Variants in MAPK4 observed in about 807,000 individuals in gnomAD.
The protein encoded by MAPK4 is mitogen-activated protein kinase 4.
In MAPK4, 22 loss-of-function variants were observed where a neutral mutation model predicts 47.7. The ratio of observed to expected loss-of-function variants is 0.46; its 90% CI spans 0.33 to 0.66. The LOEUF (loss-of-function observed/expected upper bound fraction) is 0.66, where lower values mean the gene tolerates loss of function less well. Ranked by LOEUF, MAPK4 falls within the 30% of genes least tolerant of loss-of-function variation. The pLI, the probability that MAPK4 is intolerant of heterozygous loss-of-function variation, is 0.02. For missense variants in MAPK4, 736 were observed against 831.7 expected (o/e 0.88, Z 1.42); for synonymous variants, 390 against 365.7 (o/e 1.07, Z -0.76).
chr18:50,636,283 T>G (rs1206035068), intron 1 of MAPK4, among the ~76,000 whole-genome samples: 1 of 152,182 alleles, frequency 6.6e-6, no homozygotes, highest in African/African-American at 2.4e-5. Flanking sequence ...GCAGCTCAAC[T>G]TCCATTTCTG....
Position 50,688,584 on chromosome 18 carries a change from T to G in MAPK4, c.546+24080T>G, listed in dbSNP as rs75968324. Among the ~76,000 whole-genome samples, 539 of 152,292 alleles carry G rather than the reference T, an allele frequency of 3.5e-3. 4 individuals carry two copies. Among genetic ancestry groups the G allele is most frequent in the African/African-American group, 0.012 (512 of 41,558 alleles). On this transcript the variant is annotated intron_variant, in intron 2 of 5. Transcript: ENST00000400384. ...TTCTGCTAGTGAAAGACAGTGCATATCACAACCTGGATGGAACTGGAGACT... is the reference window on the plus strand; with the variant it reads ...TTCTGCTAGTGAAAGACAGTGCATAGCACAACCTGGATGGAACTGGAGACT...
intron 1 of MAPK4, among the ~76,000 whole-genome samples, chr18:50,593,664 T>G (rs1034309872): frequency 1.3e-5 from 2 of 152,220 alleles, no homozygotes; most frequent in Non-Finnish European, 2.9e-5. Context: ...AAAGGACCTA[T>G]AGATTGATGC....
rs148171544 is a variant in MAPK4 at position 50,683,669 on chromosome 18, C to T, written c.546+19165C>T. Among the ~76,000 whole-genome samples, 477 of 152,216 alleles carry T rather than the reference C, an allele frequency of 3.1e-3. 1 individual carries two copies. The highest frequency in any genetic ancestry group is 7.0e-3 in the African/African-American group (289 of 41,524). On this transcript the variant is annotated intron_variant, in intron 2 of 5. Coordinates refer to ENST00000400384, the MANE Select transcript of MAPK4 (RefSeq NM_002747.4). ...AGACTCTAGACAAGGTTCCTGCCTT[C>T]GTGGAGTTTATATTTAAGTGGAAAA...
chr18:50,643,584 C>T (rs1036410659), intron 1 of MAPK4, among the ~76,000 whole-genome samples: 3 of 152,172 alleles, frequency 2.0e-5, no homozygotes, highest in African/African-American at 2.4e-5. Context: ...TTGTCCAGTG[C>T]GACTCAGAAC....
At chr18:50,627,311 A>G (rs1355086548) in intron 1 of MAPK4, among the ~76,000 whole-genome samples, 3 of 152,208 alleles carry the variant, frequency 2.0e-5, no homozygotes, top group Non-Finnish European at 4.4e-5. Flanking sequence ...GATTCCCCTC[A>G]GGGGGAAGGT....
intron 1 of MAPK4, among the ~76,000 whole-genome samples, chr18:50,657,104 G>A (rs1000862205): frequency 2.6e-5 from 4 of 152,122 alleles, no homozygotes; most frequent in Non-Finnish European, 5.9e-5. Context: ...CTCTACAACC[G>A]CATCCACAAA....
intron 2 of MAPK4, among the ~76,000 whole-genome samples, chr18:50,710,352 G>A (rs559411915): frequency 5.9e-5 from 9 of 151,884 alleles, no homozygotes; most frequent in East Asian, 1.9e-4. Flanking sequence ...GCGTGGTGGC[G>A]TGTGCCTGTA....
At chr18:50,676,177 T>C (rs13381183) in intron 2 of MAPK4, among the ~76,000 whole-genome samples, 105,889 of 151,930 alleles carry the variant, frequency 0.7, 40,308 homozygotes, top group Non-Finnish European at 0.85. Context: ...CCTTGTAGAT[T>C]TCATCTTCTT....
chr18:50,688,536 A>G (rs894844806), intron 2 of MAPK4, among the ~76,000 whole-genome samples: 3 of 152,266 alleles, frequency 2.0e-5, no homozygotes, highest in Admixed American at 2.0e-4. Context: ...GAATTTCAAG[A>G]TGACAGAGAA....
At chr18:50,657,516 G>T (rs911782339) in intron 1 of MAPK4, among the ~76,000 whole-genome samples, 9 of 152,264 alleles carry the variant, frequency 5.9e-5, no homozygotes, top group African/African-American at 2.2e-4. Context: ...CTCCCTATTT[G>T]AGCCTTGAGA....
chr18:50,651,949 C>T (rs1157588491), intron 1 of MAPK4, among the ~76,000 whole-genome samples: 1 of 152,242 alleles, frequency 6.6e-6, no homozygotes, highest in East Asian at 1.9e-4. Context: ...GAAGGGGTCA[C>T]ACTACCAGCC....
At chr18:50,568,332 A>G (rs1284132066) in intron 1 of MAPK4, among the ~76,000 whole-genome samples, 1 of 152,238 alleles carries the variant, frequency 6.6e-6, no homozygotes, top group African/African-American at 2.4e-5. Context: ...TTCCTGAAGC[A>G]AGCTTAGATG....
At chr18:50,649,569 C>T (rs2043026443) in intron 1 of MAPK4, among the ~76,000 whole-genome samples, 1 of 152,184 alleles carries the variant, frequency 6.6e-6, no homozygotes, top group Non-Finnish European at 1.5e-5. Flanking sequence ...CAGCCTTTAC[C>T]TCTTCGTGTG....
At chr18:50,716,080 A>G (rs971025023) in intron 3 of MAPK4, among the ~76,000 whole-genome samples, 1 of 152,156 alleles carries the variant, frequency 6.6e-6, no homozygotes, top group Non-Finnish European at 1.5e-5. Context: ...CCAGGGCATG[A>G]GTCATCCTTC....
chr18:50,584,555 T>C (rs1481586568), intron 1 of MAPK4, among the ~76,000 whole-genome samples: 1 of 152,246 alleles, frequency 6.6e-6, no homozygotes, highest in Non-Finnish European at 1.5e-5. Flanking sequence ...TTGTGTATTG[T>C]TCCCTAGCTA....
At chr18:50,596,791 G>A (rs1245361651) in intron 1 of MAPK4, among the ~76,000 whole-genome samples, 2 of 152,210 alleles carry the variant, frequency 1.3e-5, no homozygotes, top group Admixed American at 1.3e-4. Context: ...ACAAGAGTGT[G>A]ATGAGGCTGT....
At chr18:50,722,465 C>G (rs985602772) in intron 4 of MAPK4, among the ~76,000 whole-genome samples, 3 of 152,216 alleles carry the variant, frequency 2.0e-5, no homozygotes, top group Non-Finnish European at 4.4e-5. Context: ...GACCCAGGTC[C>G]CATTCCACCA....
chr18:50,641,576 A>G (rs1462615709), intron 1 of MAPK4, among the ~76,000 whole-genome samples: 1 of 152,204 alleles, frequency 6.6e-6, no homozygotes, highest in African/African-American at 2.4e-5. Context: ...TGAAACCCTC[A>G]ATATGCTAAT....
chr18:50,670,959 A>G lies in MAPK4; in HGVS notation c.546+6455A>G, dbSNP rs563318938. 3.3e-5 allele frequency among the ~76,000 whole-genome samples: 5 copies of G among 152,322 alleles called. 1 individual carries two copies. The South Asian group carries it at 1.0e-3, about 32-fold the overall frequency. On this transcript the variant is annotated intron_variant, in intron 2 of 5. Transcript: ENST00000400384. ...TGATGCTCCTGAACTTTTAAGAACC[A>G]TTGACCCAAAGACATGGGATTGCTT...
Sources: gnomAD v4.1 joint callset for allele counts (sites outside exome capture counted in the v4.1 genomes callset) on GRCh38, gnomAD v4.1.1 for gene constraint, MANE v1.5 for transcripts, NCBI Gene and HGNC (gene_info 2026-07-23, HGNC 2026-07-21) for gene names.